The following ALPK2 variants were observed in gnomAD, a reference collection of about 807,000 sequenced individuals.
ALPK2 encodes the protein alpha kinase 2.
Under a neutral mutation model 163.1 loss-of-function variants are expected in ALPK2, and 127 were observed. The ratio of observed to expected loss-of-function variants is 0.78; its 90% CI spans 0.67 to 0.90. The LOEUF (loss-of-function observed/expected upper bound fraction) is 0.90, where lower values mean the gene tolerates loss of function less well. ALPK2 is among the 40% of genes least tolerant of loss of function. The pLI is 0.00. For missense variants in ALPK2, 2,360 were observed against 2,589.6 expected (o/e 0.91, Z 1.92); for synonymous variants, 953 against 959.1 (o/e 0.99, Z 0.12).
Position 58,537,754 on chromosome 18 carries a change from G to C in ALPK2, c.2433C>G (p.Asp811Glu). The C allele has an allele frequency of 6.2e-7, 1 of 1,614,032 alleles. No homozygotes were observed. The highest frequency in any genetic ancestry group is 8.5e-7 in the Non-Finnish European group (1 of 1,179,958). Residue 811 changes from aspartate to glutamate, a missense_variant, in exon 5 of 13, where the codon GAC (aspartate) becomes GAG (glutamate). Physicochemically the swap from Asp to Glu is conservative, Grantham distance 45. Coordinates refer to ENST00000361673, the MANE Select transcript of ALPK2 (RefSeq NM_052947.4). ...VCAMECFEAG[D>E]QGTCFDTIDS... ...CTATGGTATCAAAACACGTTCCTTG[G>C]TCACCAGCCTCAAAACACTCCATTG...
chr18:58,487,005 C>T (rs2051342317), intron 12 of ALPK2, among the ~76,000 whole-genome samples: 1 of 152,212 alleles, frequency 6.6e-6, no homozygotes, highest in African/African-American at 2.4e-5. Flanking sequence ...GAATCTGGAG[C>T]TGTAGGCCAT....
intron 3 of ALPK2, among the ~76,000 whole-genome samples, chr18:58,603,689 A>G (rs190808140): frequency 2.0e-5 from 3 of 152,120 alleles, no homozygotes; most frequent in Admixed American, 2.0e-4. Flanking sequence ...CTTTCTTTAC[A>G]TTATGTTCAT....
chr18:58,557,323 A>G (rs1319601477), intron 4 of ALPK2: 1 of 152,198 alleles, frequency 6.6e-6, no homozygotes, highest in Non-Finnish European at 1.5e-5. Context: ...TCTAGGGCAG[A>G]ATCACACATG....
chr18:58,535,981 A>G lies in ALPK2; in HGVS notation c.4206T>C (p.Ser1402=), dbSNP rs746066662. The G allele has an allele frequency of 6.2e-7, 1 of 1,614,202 alleles. No individual in the cohort carries two copies. The highest frequency in any genetic ancestry group is 8.5e-7 in the Non-Finnish European group (1 of 1,180,002). ...CACTTATCTCATCAATGGGATCTAC[A>G]GAGGACTCTAGGATTTTAGGGCAGG... The part of the protein sequence containing the change: ...FLTCPKILES[S]VDPIDEISVI... The change falls in exon 5 of 13, where the codon TCT becomes TCC. Residue 1402 remains serine (S), a synonymous_variant. Coordinates refer to ENST00000361673, the MANE Select transcript of ALPK2 (RefSeq NM_052947.4).
chr18:58,517,666 T>C (rs1025158923), intron 8 of ALPK2, among the ~76,000 whole-genome samples: 9 of 151,742 alleles, frequency 5.9e-5, no homozygotes, highest in Non-Finnish European at 1.0e-4. Context: ...ACCACAAATA[T>C]ACTATCTGTT....
At chr18:58,491,626 G>C (rs981316416) in intron 12 of ALPK2, among the ~76,000 whole-genome samples, 2 of 152,090 alleles carry the variant, frequency 1.3e-5, no homozygotes, top group African/African-American at 4.8e-5. Flanking sequence ...TGACCAATCA[G>C]CACTACCCCC....
intron 3 of ALPK2, among the ~76,000 whole-genome samples, chr18:58,589,214 A>G (rs1286307648): frequency 6.6e-6 from 1 of 152,172 alleles, no homozygotes; most frequent in South Asian, 2.1e-4. Context: ...GGCTGATGAT[A>G]TAATTTCTGT....
At chr18:58,494,311 A>T (rs2051390482) in intron 12 of ALPK2, among the ~76,000 whole-genome samples, 1 of 152,178 alleles carries the variant, frequency 6.6e-6, no homozygotes, top group Admixed American at 6.5e-5. Context: ...GGCACAGGGG[A>T]TGTGTTTCCA....
chr18:58,585,273 A>T (rs1027482660), intron 3 of ALPK2, among the ~76,000 whole-genome samples: 4 of 152,330 alleles, frequency 2.6e-5, no homozygotes, highest in South Asian at 2.1e-4. Flanking sequence ...ACAATAAAAA[A>T]TTTTTAACTA....
At chr18:58,513,667 A>G (rs1296506528) in intron 10 of ALPK2, among the ~76,000 whole-genome samples, 1 of 152,216 alleles carries the variant, frequency 6.6e-6, no homozygotes, top group Non-Finnish European at 1.5e-5. Flanking sequence ...ACTTGAGGCC[A>G]GGAGTTGTAG....
chr18:58,550,152 C>T (rs1462940407), intron 4 of ALPK2, among the ~76,000 whole-genome samples: 1 of 152,048 alleles, frequency 6.6e-6, no homozygotes, highest in African/African-American at 2.4e-5. Context: ...AGGTTATTGT[C>T]CTGCTTAAAC....
chr18:58,499,290 G>A (rs1351851138), intron 11 of ALPK2, among the ~76,000 whole-genome samples: 1 of 152,196 alleles, frequency 6.6e-6, no homozygotes, highest in African/African-American at 2.4e-5. Context: ...TTTCCAGCAG[G>A]AGGGGTAGGG....
Position 58,535,119 on chromosome 18 carries a change from A to T in ALPK2, c.5068T>A (p.Ser1690Thr). The T allele has an allele frequency of 6.2e-7, 1 of 1,613,670 alleles. No homozygotes were observed. Among genetic ancestry groups the T allele is most frequent in the Non-Finnish European group, 8.5e-7 (1 of 1,179,946 alleles). ...GATTTGCCTGCTCGGGCTTCCAGGG[A>T]CTTCTCTCTCTCCCTGGACTTTTTC... ...CAKKSREREKSLEARAGKSPG... is the reference protein window; with the variant it reads ...CAKKSREREKTLEARAGKSPG... The change falls in exon 5 of 13, where the codon TCC (serine) becomes ACC (threonine). Residue 1690 changes from serine (S) to threonine (T), a missense_variant. By Grantham distance (58) the Ser-to-Thr change is moderately conservative. Coordinates refer to ENST00000361673, the MANE Select transcript of ALPK2 (RefSeq NM_052947.4).
chr18:58,583,264 A>G (rs1477081676), intron 3 of ALPK2, among the ~76,000 whole-genome samples: 2 of 151,998 alleles, frequency 1.3e-5, no homozygotes, highest in African/African-American at 2.4e-5. Flanking sequence ...GAGTCTTATG[A>G]TCTCTATTTT....
intron 3 of ALPK2, among the ~76,000 whole-genome samples, chr18:58,581,732 C>G (rs560387402): frequency 2.0e-5 from 3 of 152,184 alleles, no homozygotes; most frequent in Non-Finnish European, 4.4e-5. Context: ...TATTGCTGAC[C>G]TCACTATAAG....
At chr18:58,603,731 T>G (rs2052083822) in intron 3 of ALPK2, among the ~76,000 whole-genome samples, 1 of 87,626 alleles carries the variant, frequency 1.1e-5, no homozygotes, top group African/African-American at 5.2e-5. Flanking sequence ...TGTATACACA[T>G]CGTTGCAATT....
intron 3 of ALPK2, among the ~76,000 whole-genome samples, chr18:58,583,668 G>A (rs76393835): frequency 0.32 from 47,386 of 149,092 alleles, 8,169 homozygotes; most frequent in East Asian, 0.59. Flanking sequence ...TTAAAAATTA[G>A]CCAGGCATGG....
At chr18:58,543,607 G>A (rs959110969) in intron 4 of ALPK2, among the ~76,000 whole-genome samples, 5 of 152,330 alleles carry the variant, frequency 3.3e-5, no homozygotes, top group African/African-American at 1.2e-4. Flanking sequence ...GAAATGACAG[G>A]AATTCTCTTC....
intron 4 of ALPK2, among the ~76,000 whole-genome samples, chr18:58,561,647 G>C (rs2051826142): frequency 2.6e-5 from 4 of 152,178 alleles, no homozygotes; most frequent in Admixed American, 2.6e-4. Flanking sequence ...TGATCACTGG[G>C]GATCCTCTAA....
Sources: allele counts gnomAD v4.1 joint callset (sites outside exome capture counted in the v4.1 genomes callset), GRCh38; gene constraint gnomAD v4.1.1; transcripts MANE v1.5; gene names NCBI Gene and HGNC (gene_info 2026-07-23, HGNC 2026-07-21).